Variants in AUTS2 observed in about 807,000 individuals in gnomAD.
AUTS2 encodes the protein autism susceptibility gene 2 protein.
In AUTS2, 17 loss-of-function variants were observed where a neutral mutation model predicts 112.4. The ratio of observed to expected loss-of-function variants is 0.15; its 90% CI spans 0.10 to 0.23. AUTS2 has a LOEUF of 0.23. Among genes scored for constraint, AUTS2 ranks in the 10% least tolerant of loss-of-function variants. AUTS2 has a pLI of 1.00. For missense variants in AUTS2, 1,510 were observed against 1,701.6 expected (o/e 0.89, Z 1.98); for synonymous variants, 751 against 702.7 (o/e 1.07, Z -1.09).
At chr7:70,700,254 C>G (rs1017361464) in intron 6 of AUTS2, among the ~76,000 whole-genome samples, 1 of 152,112 alleles carries the variant, frequency 6.6e-6, no homozygotes, top group African/African-American at 2.4e-5. Context: ...TAGCCCTCCC[C>G]CTGACAGGGT....
intron 1 of AUTS2, among the ~76,000 whole-genome samples, chr7:69,745,124 CAG>C (rs1411360731): frequency 1.3e-5 from 2 of 152,164 alleles, no homozygotes; most frequent in Non-Finnish European, 2.9e-5. Flanking sequence ...TTTGGTGGTT[CAG>C]AGAGTAAGAA....
chr7:69,808,874 A>G (rs1241066849), intron 1 of AUTS2, among the ~76,000 whole-genome samples: 1 of 152,134 alleles, frequency 6.6e-6, no homozygotes, highest in Non-Finnish European at 1.5e-5. Context: ...AGGAGACATG[A>G]GGGGTACAGA....
rs184846754 is a variant in AUTS2, at chr7:70,440,598, C to T, written c.690+4817C>T. Among the ~76,000 whole-genome samples the T allele has an allele frequency of 2.6e-3, 393 of 152,214 alleles. 4 individuals carry two copies. Among genetic ancestry groups the T allele is most frequent in the African/African-American group, 9.0e-3 (374 of 41,544 alleles). On this transcript the variant is annotated intron_variant, in intron 5 of 18. Coordinates refer to ENST00000342771, the MANE Select transcript of AUTS2 (RefSeq NM_015570.4). ...CTAGAGAACCTGCTAGAGGGTTTCC[C>T]CAGAATCTGAGGCTCAGCCTTTATC...
chr7:70,583,621 T>A (rs1349353229), intron 5 of AUTS2, among the ~76,000 whole-genome samples: 3 of 152,150 alleles, frequency 2.0e-5, no homozygotes, highest in Non-Finnish European at 4.4e-5. Flanking sequence ...GGAGCTTCTG[T>A]TTTTAGGGGA....
At chr7:70,504,605 A>G (rs1332631228) in intron 5 of AUTS2, among the ~76,000 whole-genome samples, 1 of 152,174 alleles carries the variant, frequency 6.6e-6, no homozygotes, top group Non-Finnish European at 1.5e-5. Context: ...GGAAGGTTGG[A>G]CAATATCAGT....
chr7:70,152,201 A>G (rs1474415305), intron 4 of AUTS2, among the ~76,000 whole-genome samples: 1 of 152,180 alleles, frequency 6.6e-6, no homozygotes, highest in African/African-American at 2.4e-5. Context: ...TGAAAACTTC[A>G]TACAGTCTAA....
At chr7:70,712,215 T>C (rs1810097179) in intron 6 of AUTS2, among the ~76,000 whole-genome samples, 1 of 133,630 alleles carries the variant, frequency 7.5e-6, no homozygotes, top group East Asian at 2.2e-4. Context: ...TTTTTTTTTT[T>C]TTTTTTTTTT....
Position 70,110,902 on chromosome 7 carries a change from G to A in AUTS2, c.523-7230G>A, listed in dbSNP as rs1406722047. The stretch of plus-strand genomic sequence containing the variant: ...TTTTTTTTGAGAGTCTCGCTCTGTC[G>A]CCCCAGTCGCCCAGGCTGGAGCGCA... On this transcript the variant is annotated intron_variant, in intron 2 of 18. Transcript: ENST00000342771. Among the ~76,000 whole-genome samples the A allele has an allele frequency of 9.9e-5, 11 of 111,542 alleles. 1 individual carries two copies. The Admixed American group carries it at 1.1e-3, about 11-fold the overall frequency. 73.2% of individuals were successfully genotyped at this position (111,542 alleles called of 152,430 possible).
chr7:69,751,993 A>G (rs1286547213), intron 1 of AUTS2, among the ~76,000 whole-genome samples: 1 of 152,030 alleles, frequency 6.6e-6, no homozygotes, highest in African/African-American at 2.4e-5. Flanking sequence ...TTTTTTTTTG[A>G]TGACTATTAT....
chr7:69,743,227 AG>A (rs1412396055), intron 1 of AUTS2, among the ~76,000 whole-genome samples: 1 of 152,128 alleles, frequency 6.6e-6, no homozygotes, highest in Non-Finnish European at 1.5e-5. Context: ...CCTTCCTCAC[AG>A]GGTTGTTGTA....
intron 5 of AUTS2, among the ~76,000 whole-genome samples, chr7:70,609,704 G>A (rs915000878): frequency 5.3e-5 from 8 of 151,876 alleles, no homozygotes; most frequent in Non-Finnish European, 1.2e-4. Flanking sequence ...TGGGATTACA[G>A]GCGTGAGCCA....
chr7:69,771,035 T>C (rs111800883), intron 1 of AUTS2, among the ~76,000 whole-genome samples: 3 of 152,278 alleles, frequency 2.0e-5, no homozygotes, highest in African/African-American at 7.2e-5. Flanking sequence ...AAACTGTGTG[T>C]TTGCAGTGTT....
At chr7:69,867,624 C>T (rs1184806155) in intron 1 of AUTS2, among the ~76,000 whole-genome samples, 1 of 152,102 alleles carries the variant, frequency 6.6e-6, no homozygotes. Flanking sequence ...CAATTCTTCC[C>T]TTCCAATCCA....
chr7:70,211,568 C>T (rs1244871368), intron 4 of AUTS2, among the ~76,000 whole-genome samples: 1 of 146,836 alleles, frequency 6.8e-6, no homozygotes, highest in Non-Finnish European at 1.5e-5. Context: ...AGAATGGCGT[C>T]AACCTGGGAG....
At chr7:70,535,693 G>A (rs1328351958) in intron 5 of AUTS2, among the ~76,000 whole-genome samples, 1 of 152,166 alleles carries the variant, frequency 6.6e-6, no homozygotes, top group Non-Finnish European at 1.5e-5. Flanking sequence ...GAGATTACAG[G>A]CGTGAGCCAC....
chr7:70,696,871 C>CT (rs150192910), intron 5 of AUTS2, among the ~76,000 whole-genome samples: 10 of 151,950 alleles, frequency 6.6e-5, no homozygotes, highest in South Asian at 6.2e-4. Flanking sequence ...AATAAACAGG[C>CT]TTTTTTTTCC....
intron 4 of AUTS2, among the ~76,000 whole-genome samples, chr7:70,388,593 A>T (rs1466472786): frequency 6.6e-6 from 1 of 152,242 alleles, no homozygotes; most frequent in African/African-American, 2.4e-5. Flanking sequence ...CATCATCTTC[A>T]TATTGTAATG....
At chr7:70,463,191 CAGCCACAATAAAGGTACAG>C (rs1797039154) in intron 5 of AUTS2, among the ~76,000 whole-genome samples, 1 of 152,196 alleles carries the variant, frequency 6.6e-6, no homozygotes, top group Non-Finnish European at 1.5e-5. Flanking sequence ...TGGAGCTCTC[CAGCCACAATAAAGGTACAG>C]TGTTCCTGTT....
intron 1 of AUTS2, among the ~76,000 whole-genome samples, chr7:69,863,914 C>T (rs938921812): frequency 1.3e-5 from 2 of 152,338 alleles, no homozygotes; most frequent in African/African-American, 4.8e-5. Flanking sequence ...TTCTGCGTTT[C>T]ATTCCCTGCT....
Sources: allele counts gnomAD v4.1 joint callset (sites outside exome capture counted in the v4.1 genomes callset), GRCh38; gene constraint gnomAD v4.1.1; transcripts MANE v1.5; gene names NCBI Gene and HGNC (gene_info 2026-07-23, HGNC 2026-07-21).